ANKRD22: variants seen among roughly 807,000 people sequenced by gnomAD.
ANKRD22 encodes ankyrin repeat domain-containing protein 22.
A neutral mutation model predicts 25.7 loss-of-function variants in ANKRD22; 24 were observed. The observed-to-expected ratio is 0.93, with a 90% CI of 0.68 to 1.31. The LOEUF is 1.31. Ranked by LOEUF, ANKRD22 falls within the 50% of genes most tolerant of loss-of-function variation. The pLI, the probability that ANKRD22 is intolerant of heterozygous loss-of-function variation, is 0.00. For synonymous variants in ANKRD22, 84 were observed against 84.3 expected (o/e 1.00, Z 0.02); for missense variants, 214 against 227.1 (o/e 0.94, Z 0.37).
chr10:88,823,863 A>G (rs568784850), intron 4 of ANKRD22, among the ~76,000 whole-genome samples: 1 of 149,556 alleles, frequency 6.7e-6, no homozygotes, highest in South Asian at 2.1e-4. Context: ...CTCTGTCTCA[A>G]TGTATATGTA....
chr10:88,851,470 C>G, intron 1 of ANKRD22, 117 bp downstream of exon 1: 1 of 1,103,050 alleles, frequency 9.1e-7, no homozygotes, highest in East Asian at 2.4e-5. Flanking sequence ...CTTAATGCTC[C>G]CCCAGGGAGT....
chr10:88,826,395 G>A (rs1843856620), intron 3 of ANKRD22, among the ~76,000 whole-genome samples: 2 of 152,126 alleles, frequency 1.3e-5, no homozygotes, highest in Non-Finnish European at 2.9e-5. Flanking sequence ...ACTGAGGATG[G>A]GGCCTAGTAC....
In ANKRD22 at chr10:88,828,610, A is replaced by G. The variant is rs369585990; in HGVS notation, c.270T>C (p.Tyr90=). 42 of 1,611,362 alleles carry G rather than the reference A, an allele frequency of 2.6e-5. No homozygotes were observed. The highest frequency in any genetic ancestry group is 3.5e-5 in the Non-Finnish European group (41 of 1,178,534). Residue 90 remains tyrosine (Y), a synonymous_variant, in exon 3 of 6, where the codon TAT becomes TAC. Coordinates refer to ENST00000371930, the MANE Select transcript of ANKRD22 (RefSeq NM_144590.3). ...CAGGCATTAAGAGGATAATTAGTAGATAATCAATGAAGGTAAATTTTTTCT... is the reference window on the plus strand; with the variant it reads ...CAGGCATTAAGAGGATAATTAGTAGGTAATCAATGAAGGTAAATTTTTTCT... ...AVKKKFTFID[Y]LLIILLMPVL... is the part of the protein sequence containing the mutation.
intron 1 of ANKRD22, among the ~76,000 whole-genome samples, chr10:88,850,026 A>C (rs1056430130): frequency 1.4e-5 from 2 of 146,402 alleles, no homozygotes; most frequent in Admixed American, 1.3e-4. Context: ...TTTTTTGAAT[A>C]GATTCTTCCA....
At chr10:88,833,746 A>T (rs1843928091) in intron 1 of ANKRD22, among the ~76,000 whole-genome samples, 1 of 152,252 alleles carries the variant, frequency 6.6e-6, no homozygotes, top group Non-Finnish European at 1.5e-5. Flanking sequence ...TTTAAGTTTC[A>T]CTAGAAATGC....
At chr10:88,839,733 G>A (rs910019301) in intron 1 of ANKRD22, among the ~76,000 whole-genome samples, 4 of 152,266 alleles carry the variant, frequency 2.6e-5, no homozygotes, top group East Asian at 1.9e-4. Flanking sequence ...GGATTCATCC[G>A]ATCTGGCTGG....
intron 1 of ANKRD22, among the ~76,000 whole-genome samples, chr10:88,846,990 C>A (rs991666827): frequency 2.0e-5 from 3 of 152,074 alleles, no homozygotes; most frequent in Non-Finnish European, 4.4e-5. Context: ...TAAATTTATG[C>A]CAAAGAACTA....
chr10:88,821,087 G>C lies in ANKRD22; in HGVS notation c.*1854C>G, dbSNP rs1843788295. The stretch of plus-strand genomic sequence containing the variant: ...GAAGAAAATTTTATAGGATGTTTAT[G>C]AGTTCTCCAATAAATGCATTCTGCA... On this transcript the variant is annotated 3_prime_UTR_variant, in exon 6 of 6. Coordinates refer to ENST00000371930, the MANE Select transcript of ANKRD22 (RefSeq NM_144590.3). 6.6e-6 allele frequency among the ~76,000 whole-genome samples: 1 copy of C among 152,228 alleles called. No individual in the cohort carries two copies. Among genetic ancestry groups the C allele is most frequent in the South Asian group, 2.1e-4 (1 of 4,830 alleles).
chr10:88,840,393 T>C (rs1320625166), intron 1 of ANKRD22, among the ~76,000 whole-genome samples: 4 of 152,224 alleles, frequency 2.6e-5, no homozygotes, highest in African/African-American at 9.6e-5. Context: ...GTTATTTTAA[T>C]AGTGTAGAAA....
rs1843771482 is a variant in ANKRD22 at position 88,820,249 on chromosome 10, CAG to C, written c.*2690_*2691del. 1 of 1,551,264 alleles carries C rather than the reference CAG, an allele frequency of 6.4e-7. No individual in the cohort carries two copies. The highest frequency in any genetic ancestry group is 1.4e-5 in the African/African-American group (1 of 73,036). The stretch of plus-strand genomic sequence containing the variant: ...TTCTCTAGCCAACTCCTGTAAGGTA[CAG>C]AGTCAGAGATATGACGGTCCCTACA... On this transcript the variant is annotated 3_prime_UTR_variant, in exon 6 of 6. Coordinates refer to ENST00000371930, the MANE Select transcript of ANKRD22 (RefSeq NM_144590.3).
intron 1 of ANKRD22, among the ~76,000 whole-genome samples, chr10:88,848,613 A>T (rs1844075372): frequency 2.0e-5 from 3 of 152,170 alleles, no homozygotes; most frequent in Admixed American, 2.0e-4. Flanking sequence ...TCACAGAATG[A>T]CACGATGTTA....
Position 88,823,326 on chromosome 10 carries a change from A to T in ANKRD22, c.452T>A (p.Ile151Asn). 1 of 1,614,130 alleles carries T rather than the reference A, an allele frequency of 6.2e-7. No homozygotes were observed. The highest frequency in any genetic ancestry group is 8.5e-7 in the Non-Finnish European group (1 of 1,179,988). ...YACEMKNQSL[I>N]PLLLEARADP... ...TGCACGGGCTTCCAAGAGCAGAGGG[A>T]TAAGAGACTGGTTTTTCATTTCACA... The change falls in exon 5 of 6, where the codon ATC (isoleucine) becomes AAC (asparagine). Residue 151 changes from isoleucine (I) to asparagine (N), a missense_variant. Coordinates refer to ENST00000371930, the MANE Select transcript of ANKRD22 (RefSeq NM_144590.3).
intron 1 of ANKRD22, among the ~76,000 whole-genome samples, chr10:88,848,158 ATATATGTATATATGTGTATATATATATG>A (rs1844069322): frequency 7.1e-6 from 1 of 139,954 alleles, no homozygotes; most frequent in African/African-American, 2.7e-5. Flanking sequence ...GTGTATATAT[ATATATGTATATATGTGTATATATATATG>A]TATATATGTA....
At chr10:88,831,240 A>G (rs916351001) in intron 2 of ANKRD22, among the ~76,000 whole-genome samples, 4 of 152,236 alleles carry the variant, frequency 2.6e-5, no homozygotes, top group African/African-American at 9.6e-5. Flanking sequence ...CAATACACAC[A>G]TATTCTTCTC....
In ANKRD22 at chr10:88,830,863, C is replaced by T. The variant is rs74960617; in HGVS notation, c.213+972G>A. Among the ~76,000 whole-genome samples the T allele has an allele frequency of 9.7e-3, 1,476 of 152,338 alleles. 28 individuals are homozygous for T. The highest frequency in any genetic ancestry group is 0.034 in the African/African-American group (1,417 of 41,572). On this transcript the variant is annotated intron_variant, in intron 2 of 5. Coordinates refer to ENST00000371930, the MANE Select transcript of ANKRD22 (RefSeq NM_144590.3). Reference sequence around the variant, plus strand: ...CACTGCAACTCCACATATCTGGTTTCACAGCAGTGATCTACAGAGATCCTA... The same window carrying T: ...CACTGCAACTCCACATATCTGGTTTTACAGCAGTGATCTACAGAGATCCTA...
At chr10:88,831,028 ATG>A (rs34588278) in intron 2 of ANKRD22, among the ~76,000 whole-genome samples, 15,120 of 152,272 alleles carry the variant, frequency 0.099, 968 homozygotes, top group South Asian at 0.29. Flanking sequence ...GTTACTCCTG[ATG>A]AGCTAGTCTC....
chr10:88,828,655 G>A lies in ANKRD22; in HGVS notation c.225C>T (p.Thr75=). The A allele has an allele frequency of 8.8e-6, 14 of 1,585,332 alleles. No homozygotes were observed. Among genetic ancestry groups the A allele is most frequent in the Non-Finnish European group, 1.2e-5 (14 of 1,167,408 alleles). Residue 75 remains threonine, a synonymous_variant, in exon 3 of 6, where the codon ACC becomes ACT. Transcript: ENST00000371930. ...TTTTCTTCACAGCATAATGCAAGCA[G>A]GTTCTCTCTTTCTAAAAATTAAGAA... is the stretch of plus-strand genomic sequence containing the variant. ...NVNLKNQKER[T]CLHYAVKKKF...
chr10:88,832,055 T>A (rs368264244), intron 1 of ANKRD22, 29 bp from the exon 2 acceptor site: 11 of 1,570,112 alleles, frequency 7.0e-6, no homozygotes, highest in African/African-American at 1.4e-5. Context: ...AAGCAGGTTT[T>A]GAAATACTGG....
At position 88,826,056 on chromosome 10, in the gene ANKRD22, T is replaced by A. The variant is rs1258885218; in HGVS notation, c.381A>T (p.Glu127Asp). The stretch of plus-strand genomic sequence containing the variant: ...AACTTACACAATCTGTAGCATTAAC[T>A]TCGACGCCAGCATCAAGTAGCATTC... Reference protein sequence around the residue: ...LVRMLLDAGVEVNATDCYGCT... With the variant: ...LVRMLLDAGVDVNATDCYGCT... Residue 127 changes from glutamate to aspartate, a missense_variant, in exon 4 of 6, where the codon GAA becomes GAT. Transcript: ENST00000371930. 6.2e-7 allele frequency: 1 copy of A among 1,612,502 alleles called. No homozygotes were observed. The highest frequency in any genetic ancestry group is 8.5e-7 in the Non-Finnish European group (1 of 1,179,174).
Sources: allele counts gnomAD v4.1 joint callset (sites outside exome capture counted in the v4.1 genomes callset), GRCh38; gene constraint gnomAD v4.1.1; transcripts MANE v1.5; gene names NCBI Gene and HGNC (gene_info 2026-07-23, HGNC 2026-07-21).